Variants in FHIT observed in about 807,000 individuals in gnomAD.
FHIT encodes the protein fragile histidine triad diadenosine triphosphatase, also known as bis(5'-adenosyl)-triphosphatase.
A neutral mutation model predicts 17.9 loss-of-function variants in FHIT; 19 were observed. The observed-to-expected ratio is 1.06, with a 90% confidence interval of 0.74 to 1.56. The LOEUF (loss-of-function observed/expected upper bound fraction) is 1.56, where lower values mean the gene tolerates loss of function less well. FHIT is among the 40% of genes most tolerant of loss of function. The pLI, the probability that FHIT is intolerant of heterozygous loss-of-function variation, is 0.00. For synonymous variants in FHIT, 81 were observed against 69.7 expected, an observed-to-expected ratio of 1.16 and a Z score of -0.81; for missense variants, 248 against 189.2, an observed-to-expected ratio of 1.31 and a Z score of -1.82.
Position 59,754,377 on chromosome 3 carries a change from A to G in FHIT, c.349-2056T>C, listed in dbSNP as rs142619697. 6.6e-5 allele frequency among the ~76,000 whole-genome samples: 10 copies of G among 152,336 alleles called. No homozygotes were observed. The East Asian group carries it at 1.9e-3, about 29-fold the overall frequency. On this transcript the variant is annotated intron_variant, in intron 8 of 9. Transcript: ENST00000492590. ...TGAAAGAAAACCACATTAAGAAGTC[A>G]TTTCCTTTCTTGCAGAGGCAAACAT...
intron 5 of FHIT, among the ~76,000 whole-genome samples, chr3:60,407,700 C>A (rs1217015058): frequency 2.0e-5 from 3 of 151,814 alleles, no homozygotes; most frequent in Non-Finnish European, 2.9e-5. Context: ...TATTTTTAGT[C>A]GAGACAGGGT....
At chr3:60,930,713 C>A (rs1276146163) in intron 3 of FHIT, among the ~76,000 whole-genome samples, 1 of 152,132 alleles carries the variant, frequency 6.6e-6, no homozygotes, top group Non-Finnish European at 1.5e-5. Flanking sequence ...AGTCAGGAAA[C>A]AACAGGTGCT....
At chr3:59,782,606 A>C (rs766829665) in intron 8 of FHIT, among the ~76,000 whole-genome samples, 2 of 152,198 alleles carry the variant, frequency 1.3e-5, no homozygotes, top group Non-Finnish European at 2.9e-5. Flanking sequence ...TTCTGCAGAC[A>C]GTTCAATACC....
At chr3:60,110,950 A>G (rs1232919920) in intron 5 of FHIT, among the ~76,000 whole-genome samples, 1 of 152,206 alleles carries the variant, frequency 6.6e-6, no homozygotes, top group African/African-American at 2.4e-5. Context: ...TGCCTGTCCC[A>G]TGAAACAATT....
chr3:60,360,158 A>T lies in FHIT; in HGVS notation c.103+176702T>A, dbSNP rs75250521. Among the ~76,000 whole-genome samples, 115 of 152,182 alleles carry T rather than the reference A, an allele frequency of 7.6e-4. 1 individual carries two copies. In the East Asian group the frequency reaches 0.02, roughly 26 times the overall value. On this transcript the variant is annotated intron_variant, in intron 5 of 9. Transcript: ENST00000492590. ...TTATATTAAACTCCATAATCTTAAT[A>T]TTTATGACCACAACTTAACAATTAA...
chr3:60,282,896 A>C lies in FHIT; in HGVS notation c.103+253964T>G, dbSNP rs189945834. On this transcript the variant is annotated intron_variant, in intron 5 of 9. Coordinates refer to ENST00000492590, the MANE Select transcript of FHIT (RefSeq NM_002012.4). ...AGATTCTTATGGCTGCTAAGATATC[A>C]GCAGTCCATGGTTTCAGGAATACAG... Among the ~76,000 whole-genome samples the C allele has an allele frequency of 5.3e-5, 8 of 152,280 alleles. No homozygotes were observed. The East Asian group carries it at 1.4e-3, about 26-fold the overall frequency.
chr3:60,937,000 G>A (rs549290107), intron 3 of FHIT, among the ~76,000 whole-genome samples: 126 of 19,824 alleles, frequency 6.4e-3, no homozygotes, highest in Non-Finnish European at 6.9e-3. Flanking sequence ...TCAACACTTT[G>A]TGAGCTGAAG....
At chr3:60,892,507 T>C (rs6801370) in intron 3 of FHIT, among the ~76,000 whole-genome samples, 1 of 152,178 alleles carries the variant, frequency 6.6e-6, no homozygotes, top group Admixed American at 6.5e-5. Context: ...TATTAGAGTG[T>C]AATGTATATT....
At chr3:60,895,665 C>CCTTCCTTCCTTCCTTCCTTCCTTT (rs1351920997) in intron 3 of FHIT, among the ~76,000 whole-genome samples, 11 of 107,008 alleles carry the variant, frequency 1.0e-4, no homozygotes, top group African/African-American at 4.1e-4. Context: ...TTCCTTCCTT[C>CCTTCCTTCCTTCCTTCCTTCCTTT]CTTTCTTTCT....
chr3:60,014,508 G>C (rs866115409), intron 5 of FHIT, among the ~76,000 whole-genome samples: 2 of 152,188 alleles, frequency 1.3e-5, no homozygotes, highest in South Asian at 4.1e-4. Flanking sequence ...GTCCGCTTCA[G>C]CAGCCAAAGG....
chr3:60,013,022 T>C (rs1161892248), intron 6 of FHIT, among the ~76,000 whole-genome samples: 1 of 152,182 alleles, frequency 6.6e-6, no homozygotes, highest in Non-Finnish European at 1.5e-5. Flanking sequence ...CTCAAATGGT[T>C]TGACATACAA....
chr3:60,300,309 AAAG>A (rs1232804625), intron 5 of FHIT, among the ~76,000 whole-genome samples: 2 of 152,068 alleles, frequency 1.3e-5, no homozygotes, highest in Admixed American at 1.3e-4. Context: ...AGATCCTATC[AAAG>A]AAGAGAAATT....
intron 5 of FHIT, among the ~76,000 whole-genome samples, chr3:60,066,749 C>G (rs570223853): frequency 2.1e-5 from 3 of 145,068 alleles, no homozygotes; most frequent in Non-Finnish European, 3.0e-5. Context: ...CTCCGCCTCG[C>G]GGGTTCACGC....
intron 7 of FHIT, among the ~76,000 whole-genome samples, chr3:59,969,071 T>G (rs1708062047): frequency 6.6e-6 from 1 of 152,180 alleles, no homozygotes; most frequent in African/African-American, 2.4e-5. Flanking sequence ...CATGTTTCGT[T>G]CATTGCTCAC....
At position 60,123,965 on chromosome 3, in the gene FHIT, AAAATATATATATATAT is replaced by A. The variant is rs1407292658; in HGVS notation, c.104-109829_104-109814del. Reference sequence around the variant, plus strand: ...CACTTCCATTAACAGAAATGCACTAAAAATATATATATATATATATATATATATATATATATATATA... The same window carrying A: ...CACTTCCATTAACAGAAATGCACTAAATATATATATATATATATATATATA... On this transcript the variant is annotated intron_variant, in intron 5 of 9. Coordinates refer to ENST00000492590, the MANE Select transcript of FHIT (RefSeq NM_002012.4). 2.8e-3 allele frequency among the ~76,000 whole-genome samples: 151 copies of A among 54,512 alleles called. 6 individuals carry two copies. The highest frequency in any genetic ancestry group is 6.0e-3 in the African/African-American group (71 of 11,778). The allele number at this position is 54,512 out of a possible 152,430, so 35.8% of individuals were successfully genotyped here. A position where few individuals can be genotyped will look rare whatever the true frequency, so the allele number is the denominator to read the frequency against.
chr3:60,236,551 T>G (rs949556904), intron 5 of FHIT, among the ~76,000 whole-genome samples: 43 of 152,124 alleles, frequency 2.8e-4, no homozygotes, highest in Non-Finnish European at 4.7e-4. Flanking sequence ...TGTGGCACAA[T>G]GGGTTTTTCT....
intron 4 of FHIT, among the ~76,000 whole-genome samples, chr3:60,676,242 A>G (rs1273449762): frequency 6.6e-6 from 1 of 152,150 alleles, no homozygotes; most frequent in African/African-American, 2.4e-5. Flanking sequence ...AGCTTTTTCA[A>G]TCTCTCTGCA....
intron 2 of FHIT, among the ~76,000 whole-genome samples, chr3:61,122,702 G>T (rs2106927415): frequency 6.6e-6 from 1 of 152,232 alleles, no homozygotes; most frequent in African/African-American, 2.4e-5. Context: ...GATATGAACA[G>T]TCACTTCTCA....
intron 4 of FHIT, among the ~76,000 whole-genome samples, chr3:60,681,574 T>C (rs143195493): frequency 0.012 from 1,820 of 152,256 alleles, 43 homozygotes; most frequent in African/African-American, 0.041. Flanking sequence ...TTGCACCAAA[T>C]AGCCAAGTTG....
Sources: allele counts gnomAD v4.1 joint callset (sites outside exome capture counted in the v4.1 genomes callset), GRCh38; gene constraint gnomAD v4.1.1; transcripts MANE v1.5; gene names NCBI Gene and HGNC (gene_info 2026-07-23, HGNC 2026-07-21).